The following SLC6A2 variants were observed in gnomAD, a reference collection of about 807,000 sequenced individuals.
The protein encoded by SLC6A2 is solute carrier family 6 member 2.
Under a neutral mutation model 71.7 loss-of-function variants are expected in SLC6A2, and 26 were observed. The observed-to-expected ratio is 0.36, with a 90% CI of 0.27 to 0.50. The LOEUF (loss-of-function observed/expected upper bound fraction) is 0.50, where lower values mean the gene tolerates loss of function less well. SLC6A2 is among the 20% of genes least tolerant of loss of function. SLC6A2 has a pLI of 0.96. For missense variants in SLC6A2, 581 were observed against 803.9 expected (o/e 0.72, Z 3.35); for synonymous variants, 363 against 337.9 (o/e 1.07, Z -0.82).
intron 9 of SLC6A2, among the ~76,000 whole-genome samples, chr16:55,696,807 C>A (rs577916214): frequency 6.6e-6 from 1 of 152,180 alleles, no homozygotes; most frequent in Non-Finnish European, 1.5e-5. Flanking sequence ...CATAGGGAGA[C>A]CCCCGTCTCT....
intron 4 of SLC6A2, among the ~76,000 whole-genome samples, chr16:55,682,958 G>A (rs531313928): frequency 7.2e-5 from 11 of 152,286 alleles, no homozygotes; most frequent in Non-Finnish European, 1.2e-4. Flanking sequence ...GAGTCAGGAC[G>A]GTGCACGAGC....
chr16:55,674,858 G>A (rs566949165), intron 4 of SLC6A2, among the ~76,000 whole-genome samples: 1 of 152,302 alleles, frequency 6.6e-6, no homozygotes, highest in East Asian at 1.9e-4. Context: ...CTTCCTTTGG[G>A]TAGATGCCCA....
At chr16:55,695,106 C>A (rs537294097) in intron 7 of SLC6A2, among the ~76,000 whole-genome samples, 172 bp from the exon 8 acceptor site, 21 of 152,172 alleles carry the variant, frequency 1.4e-4, no homozygotes, top group Non-Finnish European at 2.6e-4. Flanking sequence ...AGTTAGCCTA[C>A]TTCCTGCACC....
rs1464715630 is a variant in SLC6A2 at position 55,705,224 on chromosome 16, G to A, written c.*2878G>A. Reference sequence around the variant, plus strand: ...TTTAGCTTTCATTCTAGATGAAAACGAGACAAGGGAGAAGGAGAGCTACCA... The same window carrying A: ...TTTAGCTTTCATTCTAGATGAAAACAAGACAAGGGAGAAGGAGAGCTACCA... On this transcript the variant is annotated 3_prime_UTR_variant, in exon 15 of 15. Transcript: ENST00000568943. 2.7e-5 allele frequency: 42 copies of A among 1,535,762 alleles called. No homozygotes were observed. Among genetic ancestry groups the A allele is most frequent in the Non-Finnish European group, 3.1e-5 (36 of 1,146,468 alleles).
At position 55,704,338 on chromosome 16, in the gene SLC6A2, A is replaced by C. The variant is rs1242367632; in HGVS notation, c.*1992A>C. 1 of 152,214 alleles carries C rather than the reference A, an allele frequency of 6.6e-6. No homozygotes were observed. Among genetic ancestry groups the C allele is most frequent in the African/African-American group, 2.4e-5 (1 of 41,454 alleles). 9.4% of individuals were successfully genotyped at this position (152,214 alleles called of 1,614,324 possible). On this transcript the variant is annotated 3_prime_UTR_variant, in exon 15 of 15. Coordinates refer to ENST00000568943, the MANE Select transcript of SLC6A2 (RefSeq NM_001172501.3). The stretch of plus-strand genomic sequence containing the variant: ...TGCTCAAGGTTTTTTAGCAACTAAC[A>C]GATCGAGTTGGGCCTTCAATTCACA...
At chr16:55,700,975 A>G (rs1204701112) in intron 13 of SLC6A2, among the ~76,000 whole-genome samples, 1 of 152,192 alleles carries the variant, frequency 6.6e-6, no homozygotes, top group Non-Finnish European at 1.5e-5. Context: ...ATAAACTAAT[A>G]GTGATAATCT....
chr16:55,705,877 A>T lies in SLC6A2; in HGVS notation c.*3531A>T, dbSNP rs546713429. ...CCAGAAACACTTGGTATTTGTTTTT[A>T]ATCCAACCCTTTTGTTTTGAGGCTT... On this transcript the variant is annotated 3_prime_UTR_variant, in exon 15 of 15. Transcript: ENST00000568943. The T allele has an allele frequency of 6.6e-6, 1 of 152,244 alleles. No individual in the cohort carries two copies. Among genetic ancestry groups the T allele is most frequent in the Non-Finnish European group, 1.5e-5 (1 of 68,062 alleles). 9.4% of individuals were successfully genotyped at this position (152,244 alleles called of 1,614,324 possible). A position where few individuals can be genotyped will look rare whatever the true frequency, so the allele number is the denominator to read the frequency against.
chr16:55,704,142 C>T lies in SLC6A2; in HGVS notation c.*1796C>T, dbSNP rs998893542. 1.3e-5 allele frequency: 2 copies of T among 151,850 alleles called. No individual in the cohort carries two copies. Among genetic ancestry groups the T allele is most frequent in the East Asian group, 3.9e-4 (2 of 5,188 alleles). The allele number at this position is 151,850 out of a possible 1,614,324, so 9.4% of individuals were successfully genotyped here. On this transcript the variant is annotated 3_prime_UTR_variant, in exon 15 of 15. Transcript: ENST00000568943. ...AAGGTAACTTCTTCCTAGGTGTTAC[C>T]ATTTTTCTTTTCGTTTTTTGTTTTT...
At chr16:55,691,694 G>A (rs1965634334) in intron 5 of SLC6A2, among the ~76,000 whole-genome samples, 1 of 152,148 alleles carries the variant, frequency 6.6e-6, no homozygotes, top group South Asian at 2.1e-4. Flanking sequence ...CTCTCACCCT[G>A]GGTTCTGAGC....
intron 2 of SLC6A2, among the ~76,000 whole-genome samples, chr16:55,657,684 C>T (rs1392228386): frequency 2.6e-5 from 4 of 152,144 alleles, no homozygotes; most frequent in East Asian, 1.9e-4. Context: ...AAGTTCTAGC[C>T]GCATTGCAGG....
chr16:55,686,753 G>A (rs187256125), intron 5 of SLC6A2, among the ~76,000 whole-genome samples: 4 of 152,302 alleles, frequency 2.6e-5, no homozygotes, highest in African/African-American at 7.2e-5. Flanking sequence ...TGGGGACACA[G>A]TGTCTACCCT....
rs888302812 is a variant in SLC6A2 at position 55,704,822 on chromosome 16, G to A, written c.*2476G>A. 6.7e-5 allele frequency: 11 copies of A among 164,928 alleles called. No homozygotes were observed. Among genetic ancestry groups the A allele is most frequent in the East Asian group, 1.7e-4 (1 of 5,804 alleles). 10.2% of individuals were successfully genotyped at this position (164,928 alleles called of 1,614,324 possible). The stretch of plus-strand genomic sequence containing the variant: ...AACCAACGCAGTGGTGCTGCCTTGC[G>A]GCGGAAGTTGGCTCCTGAATCTGGG... On this transcript the variant is annotated 3_prime_UTR_variant, in exon 15 of 15. Coordinates refer to ENST00000568943, the MANE Select transcript of SLC6A2 (RefSeq NM_001172501.3).
chr16:55,693,202 C>T (rs1965690765), intron 6 of SLC6A2, among the ~76,000 whole-genome samples: 1 of 152,186 alleles, frequency 6.6e-6, no homozygotes, highest in Admixed American at 6.5e-5. Context: ...GCCTGGCCAA[C>T]ATGGGGAAAC....
intron 2 of SLC6A2, among the ~76,000 whole-genome samples, chr16:55,658,001 G>C (rs1964506475): frequency 6.6e-6 from 1 of 152,072 alleles, no homozygotes; most frequent in Non-Finnish European, 1.5e-5. Context: ...GGAGAAGGGG[G>C]ACCCAGCTCT....
At chr16:55,695,036 C>A (rs1417202555) in intron 7 of SLC6A2, among the ~76,000 whole-genome samples, 1 of 152,170 alleles carries the variant, frequency 6.6e-6, no homozygotes, top group African/African-American at 2.4e-5. Context: ...TTGAAGGAAG[C>A]TGGTGACTCA....
In SLC6A2 at chr16:55,703,344, A is replaced by C. The variant is rs41280888; in HGVS notation, c.*998A>C. 9,677 of 985,434 alleles carry C rather than the reference A, an allele frequency of 9.8e-3. 74 individuals are homozygous for C. The highest frequency in any genetic ancestry group is 0.028 in the Middle Eastern group (53 of 1,916). 61.0% of individuals were successfully genotyped at this position (985,434 alleles called of 1,614,324 possible). On this transcript the variant is annotated 3_prime_UTR_variant, in exon 15 of 15. Transcript: ENST00000568943. The stretch of plus-strand genomic sequence containing the variant: ...TTGTGTTAATTTATTGTTCTTGCAC[A>C]CCTGCACAGCCTCCCTCTGGGGATC...
intron 4 of SLC6A2, among the ~76,000 whole-genome samples, chr16:55,679,715 C>T (rs183448383): frequency 6.6e-6 from 1 of 152,116 alleles, no homozygotes; most frequent in Non-Finnish European, 1.5e-5. Flanking sequence ...ACAGAAGGTC[C>T]CAAGGCCCAG....
rs200526211 is a variant in SLC6A2 at position 55,671,930 on chromosome 16, C to T, written c.407-8C>T. On this transcript the variant is annotated splice_polypyrimidine_tract_variant and splice_region_variant and intron_variant, in intron 3 of 14. Coordinates refer to ENST00000568943, the MANE Select transcript of SLC6A2 (RefSeq NM_001172501.3). ...GAGACTCCTACCTTACCCCCTGTCCCTGCCCAGGCGTTGGCTATGCTGTCA... is the reference window on the plus strand; with the variant it reads ...GAGACTCCTACCTTACCCCCTGTCCTTGCCCAGGCGTTGGCTATGCTGTCA... 8.7e-6 allele frequency: 14 copies of T among 1,614,084 alleles called. No individual in the cohort carries two copies. In the African/African-American group the frequency reaches 1.6e-4, roughly 18 times the overall value.
chr16:55,685,777 G>A (rs928330898), intron 5 of SLC6A2, among the ~76,000 whole-genome samples: 2 of 152,092 alleles, frequency 1.3e-5, no homozygotes, highest in African/African-American at 2.4e-5. Context: ...GTGTTTCCTC[G>A]GATACAGAAA....
Sources: allele counts gnomAD v4.1 joint callset (sites outside exome capture counted in the v4.1 genomes callset), GRCh38; gene constraint gnomAD v4.1.1; transcripts MANE v1.5; gene names NCBI Gene and HGNC (gene_info 2026-07-23, HGNC 2026-07-21).